DLC1: variants seen among roughly 807,000 people sequenced by gnomAD.
DLC1 encodes the protein DLC1 Rho GTPase activating protein.
DLC1 carries 54 observed loss-of-function variants against 140.3 expected under a neutral mutation model. That is an observed-to-expected ratio of 0.38 (90% confidence interval 0.31 to 0.48). The LOEUF is 0.48. Ranked by LOEUF, DLC1 falls within the 20% of genes least tolerant of loss-of-function variation. The probability of loss-of-function intolerance (pLI) is 0.96; values close to 1 mark genes in which losing one functional copy is unlikely to be tolerated. For synonymous variants in DLC1, 986 were observed against 728.1 expected, an observed-to-expected ratio of 1.35 and a Z score of -5.70; for missense variants, 2,536 against 1,907.0, an observed-to-expected ratio of 1.33 and a Z score of -6.14.
At chr8:13,384,020 T>C (rs1204038552) in intron 4 of DLC1, among the ~76,000 whole-genome samples, 5 of 152,238 alleles carry the variant, frequency 3.3e-5, no homozygotes, top group African/African-American at 1.2e-4. Flanking sequence ...TCATCAATTA[T>C]GTTCCATGGT....
At chr8:13,180,362 CTTAT>C (rs1190672319) in intron 5 of DLC1, among the ~76,000 whole-genome samples, 1 of 152,176 alleles carries the variant, frequency 6.6e-6, no homozygotes, top group Non-Finnish European at 1.5e-5. Flanking sequence ...AGCACAATGG[CTTAT>C]TTATCACATC....
intron 2 of DLC1, among the ~76,000 whole-genome samples, chr8:13,410,918 GA>G (rs1187227207): frequency 6.6e-6 from 1 of 152,104 alleles, no homozygotes; most frequent in Non-Finnish European, 1.5e-5. Flanking sequence ...TATTCTGTTT[GA>G]ATTAATTTAA....
rs575116739 is a variant in DLC1 at position 13,370,637 on chromosome 8, G to C, written c.1314+22916C>G. On this transcript the variant is annotated intron_variant, in intron 4 of 17. Coordinates refer to ENST00000276297, the MANE Select transcript of DLC1 (RefSeq NM_182643.3). Reference sequence around the variant, plus strand: ...AGTCCAGTTGTAGGGCTGGCTTCAGGTGTGGCTGAAATCAGGGCTCAGCTA... The same window carrying C: ...AGTCCAGTTGTAGGGCTGGCTTCAGCTGTGGCTGAAATCAGGGCTCAGCTA... Among the ~76,000 whole-genome samples the C allele has an allele frequency of 6.0e-4, 92 of 152,326 alleles. 3 individuals are homozygous for C. The South Asian group carries it at 0.019, about 31-fold the overall frequency.
At chr8:13,324,859 G>T (rs913655590) in intron 4 of DLC1, among the ~76,000 whole-genome samples, 1 of 152,146 alleles carries the variant, frequency 6.6e-6, no homozygotes, top group East Asian at 1.9e-4. Context: ...GTGTGTGTGT[G>T]TGTGTCTGTC....
chr8:13,283,185 T>C (rs961085041), intron 5 of DLC1, among the ~76,000 whole-genome samples: 1 of 152,146 alleles, frequency 6.6e-6, no homozygotes, highest in Non-Finnish European at 1.5e-5. Flanking sequence ...TATTAATAAA[T>C]GTTATATATG....
intron 5 of DLC1, among the ~76,000 whole-genome samples, chr8:13,160,446 T>A (rs1207733534): frequency 1.3e-5 from 2 of 152,298 alleles, no homozygotes; most frequent in Non-Finnish European, 2.9e-5. Context: ...ACTTGTAATG[T>A]TTCTCATCAT....
At chr8:13,398,293 C>G (rs1484573954) in intron 3 of DLC1, among the ~76,000 whole-genome samples, 1 of 38,268 alleles carries the variant, frequency 2.6e-5, no homozygotes, top group Non-Finnish European at 5.5e-5. Context: ...TAACTCTTCC[C>G]CATCACATCT....
intron 1 of DLC1, among the ~76,000 whole-genome samples, chr8:13,540,692 G>C (rs74684950): frequency 1.3e-5 from 2 of 152,278 alleles, no homozygotes; most frequent in South Asian, 4.1e-4. Context: ...AATTATTTCT[G>C]AGATTAGTAA....
At chr8:13,328,368 G>C (rs1309679910) in intron 4 of DLC1, among the ~76,000 whole-genome samples, 1 of 152,160 alleles carries the variant, frequency 6.6e-6, no homozygotes, top group Admixed American at 6.5e-5. Context: ...ATTTTGGAGA[G>C]AGAGGTGTAT....
intron 5 of DLC1, among the ~76,000 whole-genome samples, chr8:13,186,881 T>G (rs1450993624): frequency 6.6e-6 from 1 of 152,238 alleles, no homozygotes; most frequent in Non-Finnish European, 1.5e-5. Context: ...CCTTTCTGTT[T>G]GTTAGTTTTC....
At chr8:13,571,142 C>G (rs1483529589) in intron 1 of DLC1, among the ~76,000 whole-genome samples, 4 of 152,188 alleles carry the variant, frequency 2.6e-5, no homozygotes, top group African/African-American at 9.7e-5. Flanking sequence ...TATGCAAATA[C>G]GAACACCAAA....
chr8:13,458,413 A>G (rs1159184830), intron 2 of DLC1, among the ~76,000 whole-genome samples: 5 of 152,216 alleles, frequency 3.3e-5, no homozygotes, highest in Admixed American at 6.5e-5. Flanking sequence ...TGATATTTCT[A>G]CTAATTGAAG....
chr8:13,277,511 T>C (rs1474284673), intron 5 of DLC1, among the ~76,000 whole-genome samples: 1 of 152,138 alleles, frequency 6.6e-6, no homozygotes, highest in East Asian at 1.9e-4. Context: ...CTCATTACAA[T>C]TGCACATCAA....
At chr8:13,202,136 G>C (rs1166110803) in intron 5 of DLC1, among the ~76,000 whole-genome samples, 4 of 152,018 alleles carry the variant, frequency 2.6e-5, no homozygotes, top group African/African-American at 9.6e-5. Flanking sequence ...AATAGAGAAG[G>C]GGTTTCACCA....
chr8:13,360,520 G>A (rs1173689660), intron 4 of DLC1, among the ~76,000 whole-genome samples: 1 of 152,088 alleles, frequency 6.6e-6, no homozygotes, highest in Non-Finnish European at 1.5e-5. Context: ...TGATGCCTGG[G>A]TTTCTGTTTC....
chr8:13,594,786 G>C (rs1251782089), intron 1 of DLC1, among the ~76,000 whole-genome samples: 1 of 151,908 alleles, frequency 6.6e-6, no homozygotes, highest in African/African-American at 2.4e-5. Flanking sequence ...GATTGTTGCA[G>C]AGGTTTTTTT....
intron 2 of DLC1, among the ~76,000 whole-genome samples, chr8:13,457,495 G>C (rs145280790): frequency 2.6e-5 from 4 of 151,778 alleles, no homozygotes; most frequent in African/African-American, 9.7e-5. Flanking sequence ...TGGCCAACAT[G>C]GTGAAACCCT....
chr8:13,507,110 AAG>A (rs1300257689), intron 1 of DLC1, among the ~76,000 whole-genome samples: 6 of 152,210 alleles, frequency 3.9e-5, no homozygotes, highest in South Asian at 4.1e-4. Flanking sequence ...CTTCATTACA[AAG>A]AGCATTTGTG....
At chr8:13,453,527 TGTATATATATACATATATA>T (rs1799245219) in intron 2 of DLC1, among the ~76,000 whole-genome samples, 2 of 55,500 alleles carry the variant, frequency 3.6e-5, no homozygotes, top group African/African-American at 1.9e-4. Context: ...TATATATATA[TGTATATATATACATATATA>T]TATATATATA....
Sources: gnomAD v4.1 joint callset for allele counts (sites outside exome capture counted in the v4.1 genomes callset) on GRCh38, gnomAD v4.1.1 for gene constraint, MANE v1.5 for transcripts, NCBI Gene and HGNC (gene_info 2026-07-23, HGNC 2026-07-21) for gene names.